ANKRD62: variants seen among roughly 807,000 people sequenced by gnomAD.
The protein encoded by ANKRD62 is ankyrin repeat domain 62.
Under a neutral mutation model 98.8 loss-of-function variants are expected in ANKRD62, and 61 were observed. The observed-to-expected ratio is 0.62, with a 90% CI of 0.50 to 0.76. The LOEUF (loss-of-function observed/expected upper bound fraction) is 0.76, where lower values mean the gene tolerates loss of function less well. Ranked by LOEUF, ANKRD62 falls within the 30% of genes least tolerant of loss-of-function variation. The pLI, the probability that ANKRD62 is intolerant of heterozygous loss-of-function variation, is 0.00. For synonymous variants in ANKRD62, 341 were observed against 367.9 expected, an observed-to-expected ratio of 0.93 and a Z score of 0.84; for missense variants, 933 against 1,082.9, an observed-to-expected ratio of 0.86 and a Z score of 1.94.
At chr18:12,097,223 CATT>C (rs1909201394) in intron 4 of ANKRD62, among the ~76,000 whole-genome samples, 1 of 152,134 alleles carries the variant, frequency 6.6e-6, no homozygotes, top group African/African-American at 2.4e-5. Context: ...CTATTATTAG[CATT>C]ATTATTATTG....
At chr18:12,145,855 G>A in the ANKRD62 span, among the ~76,000 whole-genome samples, 2 of 152,086 alleles carry the variant, frequency 1.3e-5, no homozygotes, top group Admixed American at 6.6e-5. Context: ...GCATGTCCTG[G>A]ATCCCGTTTC....
At chr18:12,111,248 C>CAAA (rs35918523) in intron 8 of ANKRD62, among the ~76,000 whole-genome samples, 3 of 124,740 alleles carry the variant, frequency 2.4e-5, no homozygotes, top group African/African-American at 8.6e-5. Context: ...GACTGCCTCT[C>CAAA]AAAAAAAAAA....
chr18:12,116,766 C>T (rs1568063460), intron 10 of ANKRD62, among the ~76,000 whole-genome samples: 1 of 152,094 alleles, frequency 6.6e-6, no homozygotes. Context: ...TTAGAATCAC[C>T]TCGTCATTTA....
chr18:12,139,640 C>T, the ANKRD62 span, among the ~76,000 whole-genome samples: 1 of 150,926 alleles, frequency 6.6e-6, no homozygotes, highest in Non-Finnish European at 1.5e-5. Flanking sequence ...AGTAAGACTC[C>T]ATCTCAAAAA....
At chr18:12,126,512 C>T in intron 13 of ANKRD62, 129 bp downstream of exon 13, 1 of 985,890 alleles carries the variant, frequency 1.0e-6, no homozygotes, top group African/African-American at 1.6e-5. Context: ...TCTGCTATAT[C>T]ACCTTAGAAA....
At chr18:12,179,769 C>CT in the ANKRD62 span, among the ~76,000 whole-genome samples, 3 of 130,128 alleles carry the variant, frequency 2.3e-5, no homozygotes, top group East Asian at 8.2e-4. Flanking sequence ...ACTTTTGTTT[C>CT]TTTTTTTCCC....
At chr18:12,097,962 T>G (rs540919155) in intron 5 of ANKRD62, among the ~76,000 whole-genome samples, 185 bp downstream of exon 5, 2 of 152,204 alleles carry the variant, frequency 1.3e-5, no homozygotes, top group African/African-American at 4.8e-5. Flanking sequence ...GCAATGAGTG[T>G]AGGATTCTTT....
At chr18:12,123,345 G>A (rs1568065434) in intron 11 of ANKRD62, among the ~76,000 whole-genome samples, 1 of 152,122 alleles carries the variant, frequency 6.6e-6, no homozygotes, top group African/African-American at 2.4e-5. Context: ...GAGCAACCAC[G>A]CCTGGCCCAG....
the ANKRD62 span, among the ~76,000 whole-genome samples, chr18:12,181,180 G>T: frequency 6.6e-6 from 1 of 151,690 alleles, no homozygotes; most frequent in African/African-American, 2.4e-5. Context: ...GCATAGCTTT[G>T]AAACTAAAAT....
rs1258173366 is a variant in ANKRD62, at chr18:12,125,820, C to T, written c.1999C>T (p.His667Tyr). The change falls in exon 13 of 14, where the codon CAT becomes TAT. Residue 667 changes from histidine (H) to tyrosine (Y), a missense_variant. By Grantham distance (83) the His-to-Tyr change is moderately conservative. Coordinates refer to ENST00000587848, the MANE Select transcript of ANKRD62 (RefSeq NM_001277333.2). ...TAGACTGGCTGCTGCCCTATGTGAT[C>T]ATGATCAACGTCAGTCATCAAAAAG... ...RCRLAAALCD[H>Y]DQRQSSKRDL... 7 of 1,549,538 alleles carry T rather than the reference C, an allele frequency of 4.5e-6. No homozygotes were observed. Among genetic ancestry groups the T allele is most frequent in the Non-Finnish European group, 6.1e-6 (7 of 1,147,318 alleles).
chr18:12,174,529 C>T, the ANKRD62 span, among the ~76,000 whole-genome samples: 2 of 152,124 alleles, frequency 1.3e-5, no homozygotes, highest in Admixed American at 1.3e-4. Flanking sequence ...AGTTCAGAAC[C>T]CTTGTTGGAG....
chr18:12,099,728 T>A, intron 6 of ANKRD62, 46 bp downstream of exon 6: 1 of 1,147,544 alleles, frequency 8.7e-7, no homozygotes. Flanking sequence ...CTGTCATAGA[T>A]AAAAAAGTAA....
intron 8 of ANKRD62, 72 bp downstream of exon 8, chr18:12,107,539 A>ACAAAT: frequency 8.5e-7 from 1 of 1,170,126 alleles, no homozygotes; most frequent in African/African-American, 1.6e-5. Flanking sequence ...ATTTGGGTTA[A>ACAAAT]TATGTACGAT....
chr18:12,101,864 T>C, intron 6 of ANKRD62: 1 of 614,096 alleles, frequency 1.6e-6, no homozygotes, highest in South Asian at 1.8e-5. Context: ...AATCTTGTGA[T>C]TAAGAGAAGA....
the ANKRD62 span, among the ~76,000 whole-genome samples, chr18:12,145,957 C>T: frequency 6.7e-6 from 1 of 149,770 alleles, no homozygotes; most frequent in African/African-American, 2.5e-5. Context: ...TCCAGCCACC[C>T]GCACCAGTGT....
chr18:12,123,691 T>A (rs2143930336), intron 11 of ANKRD62, among the ~76,000 whole-genome samples: 1 of 152,352 alleles, frequency 6.6e-6, no homozygotes, highest in South Asian at 2.1e-4. Context: ...GGAGGTGCTA[T>A]CTTACAATGT....
chr18:12,150,920 A>T, the ANKRD62 span, among the ~76,000 whole-genome samples: 1 of 152,216 alleles, frequency 6.6e-6, no homozygotes, highest in African/African-American at 2.4e-5. Flanking sequence ...CATCAGAATC[A>T]AATCCACAAA....
intron 9 of ANKRD62, 84 bp downstream of exon 9, chr18:12,115,205 A>G (rs1255433065): frequency 1.1e-5 from 14 of 1,317,296 alleles, no homozygotes; most frequent in Non-Finnish European, 1.4e-5. Flanking sequence ...CTTTTGCTGT[A>G]AAGACATTGA....
At chr18:12,172,811 A>G in the ANKRD62 span, among the ~76,000 whole-genome samples, 2 of 151,452 alleles carry the variant, frequency 1.3e-5, no homozygotes, top group African/African-American at 2.4e-5. Context: ...GCAATGGCAG[A>G]CTCCCCTCCC....
Sources: gnomAD v4.1 joint callset for allele counts (sites outside exome capture counted in the v4.1 genomes callset) on GRCh38, gnomAD v4.1.1 for gene constraint, MANE v1.5 for transcripts, NCBI Gene and HGNC (gene_info 2026-07-23, HGNC 2026-07-21) for gene names.